Variants in MX2 observed in about 807,000 individuals in gnomAD.
MX2 encodes the protein MX dynamin like GTPase 2.
Under a neutral mutation model 74.0 loss-of-function variants are expected in MX2, and 51 were observed. That is an observed-to-expected ratio of 0.69 (90% confidence interval 0.55 to 0.87). MX2 has a LOEUF of 0.87. MX2 is among the 40% of genes least tolerant of loss of function. The probability of loss-of-function intolerance (pLI) is 0.00; values close to 1 mark genes in which losing one functional copy is unlikely to be tolerated. For missense variants in MX2, 832 were observed against 908.7 expected (o/e 0.92, Z 1.09); for synonymous variants, 369 against 339.3 (o/e 1.09, Z -0.96).
chr21:41,398,123 A>G (rs1255651238), intron 8 of MX2, among the ~76,000 whole-genome samples: 1 of 152,162 alleles, frequency 6.6e-6, no homozygotes, highest in Non-Finnish European at 1.5e-5. Flanking sequence ...CAGCCTGACC[A>G]ACATGGAGAA....
intron 5 of MX2, among the ~76,000 whole-genome samples, chr21:41,387,906 G>A (rs993402581): frequency 6.6e-6 from 1 of 152,114 alleles, no homozygotes; most frequent in African/African-American, 2.4e-5. Context: ...AGTGGCTCAG[G>A]CCATGACCAC....
chr21:41,389,937 A>G (rs925432424), intron 5 of MX2: 1 of 152,242 alleles, frequency 6.6e-6, no homozygotes, highest in African/African-American at 2.4e-5. Context: ...CATTTTGCCT[A>G]CACAGTCTAA....
intron 6 of MX2, among the ~76,000 whole-genome samples, chr21:41,392,152 T>C (rs188908633): frequency 6.6e-6 from 1 of 152,352 alleles, no homozygotes; most frequent in Non-Finnish European, 1.5e-5. Context: ...ATGCAAATTT[T>C]CTATGCATTC....
intron 5 of MX2, among the ~76,000 whole-genome samples, chr21:41,386,291 G>A (rs2089576879): frequency 6.7e-6 from 1 of 149,100 alleles, no homozygotes; most frequent in African/African-American, 2.5e-5. Context: ...AATAAAAGGA[G>A]GTTTGCCCGT....
At position 41,392,025 on chromosome 21, in the gene MX2, G is replaced by A. The variant is rs1299593273; in HGVS notation, c.871+1322G>A. Among the ~76,000 whole-genome samples the A allele has an allele frequency of 4.6e-5, 7 of 151,992 alleles. No homozygotes were observed. The East Asian group carries it at 7.7e-4, about 17-fold the overall frequency. On this transcript the variant is annotated intron_variant, in intron 6 of 13. Transcript: ENST00000330714. Reference sequence around the variant, plus strand: ...CCTAGTGTCTGTTATTCCCCTCTACGTGTTCATGTGTTCTCATCCTTTAGC... The same window carrying A: ...CCTAGTGTCTGTTATTCCCCTCTACATGTTCATGTGTTCTCATCCTTTAGC...
At chr21:41,381,545 C>T (rs1275118892) in intron 4 of MX2, among the ~76,000 whole-genome samples, 2 of 151,972 alleles carry the variant, frequency 1.3e-5, no homozygotes, top group African/African-American at 2.4e-5. Flanking sequence ...ATTAGCCGGG[C>T]GCAGTGGCAG....
chr21:41,395,583 A>G lies in MX2; in HGVS notation c.872-4A>G. ...TCCATTTCCCTTCTTTAACCATCTC[A>G]CAGGTATCCTGACCAAACCAGATCT... On this transcript the variant is annotated splice_region_variant and splice_polypyrimidine_tract_variant and intron_variant, in intron 6 of 13. Coordinates refer to ENST00000330714, the MANE Select transcript of MX2 (RefSeq NM_002463.2). 6.2e-7 allele frequency: 1 copy of G among 1,613,746 alleles called. No individual in the cohort carries two copies. Among genetic ancestry groups the G allele is most frequent in the Non-Finnish European group, 8.5e-7 (1 of 1,179,710 alleles).
chr21:41,377,435 C>G (rs981085258), intron 2 of MX2, among the ~76,000 whole-genome samples: 1 of 152,146 alleles, frequency 6.6e-6, no homozygotes, highest in African/African-American at 2.4e-5. Flanking sequence ...ATTGCCAGCC[C>G]ACCCACTTGC....
rs530993431 is a variant in MX2 at position 41,380,874 on chromosome 21, C to G, written c.577+723C>G. On this transcript the variant is annotated intron_variant, in intron 4 of 13. Transcript: ENST00000330714. The surrounding 1 kb of genome is among the most constrained non-coding windows in gnomAD (Gnocchi z 4.3). ...TCTCAACCTCCCTAAAGGCTTCTCC[C>G]CTATCCTGCCTGCACAGCCTGTCCT... 1.3e-5 allele frequency among the ~76,000 whole-genome samples: 2 copies of G among 152,214 alleles called. No homozygotes were observed. The highest frequency in any genetic ancestry group is 2.4e-5 in the African/African-American group (1 of 41,456).
Position 41,399,342 on chromosome 21 carries a change from G to T in MX2, c.1414+5G>T. ...TTGCAACTAATACCCAAAAAGGTAA[G>T]TTCTGGGCAGGGCTCCCTGCAAAAC... On this transcript the variant is annotated splice_donor_5th_base_variant and intron_variant, in intron 10 of 13. Transcript: ENST00000330714. The T allele has an allele frequency of 6.2e-7, 1 of 1,613,138 alleles. No homozygotes were observed.
In MX2 at chr21:41,403,252, G is replaced by GTTTTT; in HGVS notation, c.1574-15_1574-14insTTTTT. The GTTTTT allele has an allele frequency of 6.4e-7, 1 of 1,565,260 alleles. No individual in the cohort carries two copies. The highest frequency in any genetic ancestry group is 1.7e-5 in the Admixed American group (1 of 57,638). The stretch of plus-strand genomic sequence containing the variant: ...ATGTTTTCTTCTTCTTCTCCTTTTT[G>GTTTTT]CTTTTTTTGGTCAGAAATTATCCAG... On this transcript the variant is annotated splice_polypyrimidine_tract_variant and intron_variant, in intron 11 of 13. Transcript: ENST00000330714.
intron 6 of MX2, among the ~76,000 whole-genome samples, chr21:41,393,298 C>T (rs2089688263): frequency 6.6e-6 from 1 of 152,144 alleles, no homozygotes; most frequent in African/African-American, 2.4e-5. Context: ...TGGTTCCCCA[C>T]CTGTCCATTG....
Position 41,386,219 on chromosome 21 carries a change from CAAAAAAAAAAAAAAAA to C in MX2, c.732+3670_732+3685del, listed in dbSNP as rs59005802. On this transcript the variant is annotated intron_variant, in intron 5 of 13. Transcript: ENST00000330714. ...TGGGCAACAGAGTAATACTCCATCTCAAAAAAAAAAAAAAAAAAAAAAAAAAAAAACAAATCTGCAA... is the reference window on the plus strand; with the variant it reads ...TGGGCAACAGAGTAATACTCCATCTCAAAAAAAAAAAAAACAAATCTGCAA... Among the ~76,000 whole-genome samples the C allele has an allele frequency of 1.1e-3, 36 of 32,022 alleles. No individual in the cohort carries two copies. In the Middle Eastern group the frequency reaches 0.11, roughly 99 times the overall value. The allele number at this position is 32,022 out of a possible 152,430, so 21.0% of individuals were successfully genotyped here.
chr21:41,383,686 T>C (rs1445479131), intron 5 of MX2, among the ~76,000 whole-genome samples: 2 of 152,144 alleles, frequency 1.3e-5, no homozygotes, highest in Non-Finnish European at 2.9e-5. Flanking sequence ...CCTAAGAGCC[T>C]CCTGGGTGGG....
chr21:41,407,866 G>A, intron 13 of MX2, 125 bp from the exon 14 acceptor site: 1 of 1,237,158 alleles, frequency 8.1e-7, no homozygotes, highest in South Asian at 1.4e-5. Flanking sequence ...GAGTGGAGGT[G>A]GGCGAGACCA....
rs541169742 is a variant in MX2, at chr21:41,388,723, G to A, written c.733-1842G>A. 7.9e-5 allele frequency among the ~76,000 whole-genome samples: 12 copies of A among 152,290 alleles called. No homozygotes were observed. The South Asian group carries it at 1.9e-3, about 24-fold the overall frequency. Reference sequence around the variant, plus strand: ...ACCCCCTCTCCAGGCAAACTGTTCCGGGGAGCATTTTCACTCTCTGATATC... The same window carrying A: ...ACCCCCTCTCCAGGCAAACTGTTCCAGGGAGCATTTTCACTCTCTGATATC... On this transcript the variant is annotated intron_variant, in intron 5 of 13. Transcript: ENST00000330714. This position sits in a 1 kb window ranked among gnomAD's most constrained non-coding sequence, Gnocchi z 4.0.
intron 12 of MX2, chr21:41,404,873 C>CAAAAAAAAAAAAAAA (rs547207365): frequency 2.9e-5 from 2 of 69,106 alleles, no homozygotes; most frequent in African/African-American, 8.8e-5. Flanking sequence ...CACATATACT[C>CAAAAAAAAAAAAAAA]AAAAAAAAAA....
At chr21:41,403,419 G>C in intron 12 of MX2, 76 bp downstream of exon 12, 1 of 1,280,036 alleles carries the variant, frequency 7.8e-7, no homozygotes, top group South Asian at 1.2e-5. Context: ...GATATTCACT[G>C]TCATTTGGAA....
chr21:41,407,421 G>A (rs1359404488), intron 13 of MX2, among the ~76,000 whole-genome samples: 1 of 152,200 alleles, frequency 6.6e-6, no homozygotes, highest in African/African-American at 2.4e-5. Context: ...AGATAGGAAT[G>A]AAATTTCCTT....
Sources: gnomAD v4.1 joint callset for allele counts (sites outside exome capture counted in the v4.1 genomes callset) on GRCh38, gnomAD v4.1.1 for gene constraint, Gnocchi (gnomAD v3.1) non-coding constraint, MANE v1.5 for transcripts, NCBI Gene and HGNC (gene_info 2026-07-23, HGNC 2026-07-21) for gene names.